The following CALCRL variants were observed in gnomAD, a reference collection of about 807,000 sequenced individuals.
CALCRL encodes the protein calcitonin gene-related peptide type 1 receptor.
CALCRL carries 27 observed loss-of-function variants against 60.4 expected under a neutral mutation model. That is an observed-to-expected ratio of 0.45 (90% CI 0.33 to 0.62). CALCRL has a LOEUF of 0.62. CALCRL is among the 20% of genes least tolerant of loss of function. CALCRL has a pLI of 0.03. For synonymous variants in CALCRL, 190 were observed against 182.6 expected (o/e 1.04, Z -0.33); for missense variants, 424 against 540.7 (o/e 0.78, Z 2.14).
intron 1 of CALCRL, chr2:187,436,603 T>TC (rs1559079326): frequency 6.6e-6 from 1 of 152,152 alleles, no homozygotes; most frequent in Non-Finnish European, 1.5e-5. Flanking sequence ...CTTACCATTG[T>TC]CCCAGTCGAA....
chr2:187,352,693 A>G (rs1686587680), intron 12 of CALCRL, among the ~76,000 whole-genome samples: 1 of 151,920 alleles, frequency 6.6e-6, no homozygotes, highest in Non-Finnish European at 1.5e-5. Flanking sequence ...AAAGAAAATA[A>G]TTGTTTATGG....
intron 4 of CALCRL, among the ~76,000 whole-genome samples, 191 bp from the exon 5 acceptor site, chr2:187,383,496 C>A (rs1688069391): frequency 6.6e-6 from 1 of 152,082 alleles, no homozygotes; most frequent in Admixed American, 6.5e-5. Flanking sequence ...CCACCATGTC[C>A]AATTTCAAAA....
At chr2:187,382,745 C>T (rs1688031996) in intron 5 of CALCRL, among the ~76,000 whole-genome samples, 2 of 151,778 alleles carry the variant, frequency 1.3e-5, no homozygotes, top group South Asian at 4.2e-4. Flanking sequence ...ACTTTGCCAC[C>T]AAATGTACTA....
chr2:187,349,442 A>G (rs892785961), intron 14 of CALCRL, among the ~76,000 whole-genome samples: 1 of 151,758 alleles, frequency 6.6e-6, no homozygotes, highest in East Asian at 1.9e-4. Context: ...TAAGAAGTAC[A>G]TGACATAGTT....
At chr2:187,360,772 C>T in intron 9 of CALCRL, 21 bp from the exon 10 acceptor site, 1 of 1,582,998 alleles carries the variant, frequency 6.3e-7, no homozygotes, top group South Asian at 1.2e-5. Context: ...AAAAAAAACC[C>T]CAATATTTAC....
chr2:187,394,811 T>C (rs558702427), intron 1 of CALCRL, among the ~76,000 whole-genome samples: 19 of 152,192 alleles, frequency 1.2e-4, no homozygotes, highest in Admixed American at 7.2e-4. Flanking sequence ...CCAGTTCTTA[T>C]ACACTTAAAC....
At chr2:187,374,686 ATGAG>A (rs1687670461) in intron 8 of CALCRL, among the ~76,000 whole-genome samples, 1 of 152,112 alleles carries the variant, frequency 6.6e-6, no homozygotes, top group South Asian at 2.1e-4. Context: ...TTACTATTAT[ATGAG>A]TATTTCAGAT....
chr2:187,390,869 C>T (rs1409152901), intron 1 of CALCRL, among the ~76,000 whole-genome samples: 2 of 152,064 alleles, frequency 1.3e-5, no homozygotes, highest in Admixed American at 6.6e-5. Context: ...ATAATGGGCA[C>T]CTGTACACTC....
Position 187,385,583 on chromosome 2 carries a change from AC to A in CALCRL, c.12del (p.Lys4AsnfsTer14). 1.3e-6 allele frequency: 2 copies of A among 1,565,538 alleles called. No individual in the cohort carries two copies. The highest frequency in any genetic ancestry group is 1.7e-6 in the Non-Finnish European group (2 of 1,144,558). MEK[K>X]CTLYFLVLLP... ...AAGAGAACCAGAAAATACAGGGTACACTTTTTCTCCATCATTAAGCCAAAAT... is the reference window on the plus strand; with the variant it reads ...AAGAGAACCAGAAAATACAGGGTACATTTTTCTCCATCATTAAGCCAAAAT... On this transcript the variant is annotated frameshift_variant, in exon 4 of 15. Coordinates refer to ENST00000392370, the MANE Select transcript of CALCRL (RefSeq NM_005795.6). LOFTEE classifies it high-confidence loss of function.
At chr2:187,434,225 T>C (rs1244178757) in intron 1 of CALCRL, among the ~76,000 whole-genome samples, 1 of 152,094 alleles carries the variant, frequency 6.6e-6, no homozygotes, top group Non-Finnish European at 1.5e-5. Flanking sequence ...TAAAACATAT[T>C]TTTGCTTTCC....
intron 14 of CALCRL, 138 bp downstream of exon 14, chr2:187,351,782 A>T: frequency 1.6e-6 from 1 of 619,980 alleles, no homozygotes; most frequent in Non-Finnish European, 2.8e-6. Context: ...AAGAGATTCT[A>T]TGGTTCTTTC....
chr2:187,371,250 A>G lies in CALCRL; in HGVS notation c.500+7690T>C, dbSNP rs1687505379. ...GAGCGAGACTCCGTCTAAAAAAAAAAAAAAGTTAAATAAATAATATCTAAT... is the reference window on the plus strand; with the variant it reads ...GAGCGAGACTCCGTCTAAAAAAAAAGAAAAGTTAAATAAATAATATCTAAT... On this transcript the variant is annotated intron_variant, in intron 8 of 14. Transcript: ENST00000392370. 2.0e-5 allele frequency among the ~76,000 whole-genome samples: 3 copies of G among 151,904 alleles called. No individual in the cohort carries two copies. The South Asian group carries it at 6.2e-4, about 32-fold the overall frequency.
At chr2:187,367,329 C>T (rs1231790621) in intron 8 of CALCRL, among the ~76,000 whole-genome samples, 1 of 152,064 alleles carries the variant, frequency 6.6e-6, no homozygotes, top group Admixed American at 6.5e-5. Context: ...GTAAATATGT[C>T]CTACTGCCTA....
At chr2:187,446,906 A>T (rs897281562) in intron 1 of CALCRL, among the ~76,000 whole-genome samples, 13 of 151,976 alleles carry the variant, frequency 8.6e-5, no homozygotes, top group Admixed American at 7.9e-4. Context: ...GTGATTAAGT[A>T]CAGGATGCTT....
intron 8 of CALCRL, among the ~76,000 whole-genome samples, chr2:187,374,375 A>G (rs1687656042): frequency 6.6e-6 from 1 of 152,228 alleles, no homozygotes; most frequent in African/African-American, 2.4e-5. Context: ...TGTAGAGTCA[A>G]TTAAAATAAT....
chr2:187,370,970 A>G (rs1687491592), intron 8 of CALCRL, among the ~76,000 whole-genome samples: 1 of 152,140 alleles, frequency 6.6e-6, no homozygotes. Flanking sequence ...AAGAAAACCT[A>G]TAGTTCTCAC....
intron 1 of CALCRL, among the ~76,000 whole-genome samples, chr2:187,393,177 A>G (rs149571985): frequency 2.2e-3 from 340 of 152,150 alleles, no homozygotes; most frequent in Non-Finnish European, 3.5e-3. Flanking sequence ...AATCACCCCC[A>G]AAACTTGGTG....
rs16828912 is a variant in CALCRL, at chr2:187,345,679, C to T, written c.*505G>A. The T allele has an allele frequency of 0.05, 5,142 of 103,466 alleles. 171 individuals carry two copies. The highest frequency in any genetic ancestry group is 0.094 in the African/African-American group (3,474 of 36,800). The allele number at this position is 103,466 out of a possible 1,614,324, so 6.4% of individuals were successfully genotyped here. A position where few individuals can be genotyped will look rare whatever the true frequency, so the allele number is the denominator to read the frequency against. ...AGGGTAGTTACAAAAAGGACTACGG[C>T]ACTCTGGGCAAAAAAAAAGTCAACT... On this transcript the variant is annotated 3_prime_UTR_variant, in exon 15 of 15. Transcript: ENST00000392370.
At chr2:187,425,736 G>T (rs1339055594) in intron 1 of CALCRL, among the ~76,000 whole-genome samples, 1 of 151,934 alleles carries the variant, frequency 6.6e-6, no homozygotes, top group African/African-American at 2.4e-5. Context: ...AGAGCAGTGT[G>T]CTTCAAGTTT....
Sources: gnomAD v4.1 joint callset for allele counts (sites outside exome capture counted in the v4.1 genomes callset) on GRCh38, gnomAD v4.1.1 for gene constraint, MANE v1.5 for transcripts, NCBI Gene and HGNC (gene_info 2026-07-23, HGNC 2026-07-21) for gene names.